The following RBFOX1 variants were observed in gnomAD, a reference collection of about 807,000 sequenced individuals.
The protein encoded by RBFOX1 is RNA binding protein fox-1 homolog 1.
In RBFOX1, 8 loss-of-function variants were observed where a neutral mutation model predicts 57.7. The ratio of observed to expected loss-of-function variants is 0.14; its 90% CI spans 0.08 to 0.25. The LOEUF is 0.25. RBFOX1 is among the 10% of genes least tolerant of loss of function. The pLI is 1.00. For synonymous variants in RBFOX1, 326 were observed against 222.4 expected (o/e 1.47, Z -4.15); for missense variants, 611 against 548.5 (o/e 1.11, Z -1.14).
intron 3 of RBFOX1, among the ~76,000 whole-genome samples, chr16:6,763,558 G>A (rs1262325557): frequency 6.6e-6 from 1 of 152,164 alleles, no homozygotes; most frequent in East Asian, 1.9e-4. Flanking sequence ...TTTGCTTGGG[G>A]TTATTTCTTA....
intron 3 of RBFOX1, among the ~76,000 whole-genome samples, chr16:6,773,591 G>C (rs1183448112): frequency 2.0e-5 from 3 of 147,186 alleles, no homozygotes; most frequent in Non-Finnish European, 3.0e-5. Context: ...GCATTTGTGT[G>C]TGTGTGTGTG....
At chr16:5,349,905 C>G (rs764609949) in intron 1 of RBFOX1, among the ~76,000 whole-genome samples, 1 of 152,146 alleles carries the variant, frequency 6.6e-6, no homozygotes, top group Non-Finnish European at 1.5e-5. Context: ...CACCATCCAC[C>G]GGCTCCCACT....
chr16:5,454,807 CCCTTT>C (rs894835990), intron 1 of RBFOX1, among the ~76,000 whole-genome samples: 7 of 126,106 alleles, frequency 5.6e-5, no homozygotes, highest in Admixed American at 2.5e-4. Context: ...TTCTTTCTTT[CCCTTT>C]CCTTTCCTTT....
At chr16:7,398,750 C>G (rs1459915202) in intron 4 of RBFOX1, among the ~76,000 whole-genome samples, 1 of 152,180 alleles carries the variant, frequency 6.6e-6, no homozygotes, top group Non-Finnish European at 1.5e-5. Flanking sequence ...ACTACAAATC[C>G]CAGCTCTAGC....
At chr16:5,728,657 A>G (rs2052244594) in intron 3 of RBFOX1, among the ~76,000 whole-genome samples, 2 of 152,264 alleles carry the variant, frequency 1.3e-5, no homozygotes, top group African/African-American at 4.8e-5. Flanking sequence ...ATGACTCCGT[A>G]GGTCACTCTG....
intron 3 of RBFOX1, among the ~76,000 whole-genome samples, chr16:6,756,139 T>G (rs2075751192): frequency 6.6e-6 from 1 of 152,152 alleles, no homozygotes; most frequent in Non-Finnish European, 1.5e-5. Flanking sequence ...TCTTCAACAT[T>G]TAATTTCAAG....
At chr16:7,412,868 C>G (rs1277401255) in intron 4 of RBFOX1, among the ~76,000 whole-genome samples, 1 of 152,056 alleles carries the variant, frequency 6.6e-6, no homozygotes, top group Admixed American at 6.5e-5. Flanking sequence ...CGGTGAAACC[C>G]CGTCTCTACT....
chr16:7,438,660 C>T (rs1375004321), intron 4 of RBFOX1, among the ~76,000 whole-genome samples: 1 of 152,186 alleles, frequency 6.6e-6, no homozygotes, highest in East Asian at 1.9e-4. Flanking sequence ...GAATTTTAAA[C>T]CAGCCCATTA....
chr16:6,265,769 T>A (rs756100394), intron 1 of RBFOX1, among the ~76,000 whole-genome samples: 32 of 152,186 alleles, frequency 2.1e-4, no homozygotes, highest in Non-Finnish European at 4.0e-4. Context: ...CTTCAGCCTT[T>A]TTGAACCAAC....
chr16:6,387,974 ATTT>A (rs61603572), intron 2 of RBFOX1, among the ~76,000 whole-genome samples: 2 of 84,152 alleles, frequency 2.4e-5, no homozygotes. Context: ...TTTGTGGAAC[ATTT>A]TTTTTTTTTT....
intron 5 of RBFOX1, among the ~76,000 whole-genome samples, chr16:7,557,095 A>T (rs955210324): frequency 5.9e-5 from 9 of 152,132 alleles, no homozygotes; most frequent in African/African-American, 1.9e-4. Flanking sequence ...CTGTGAGTCC[A>T]CAGAGCGAGT....
intron 3 of RBFOX1, among the ~76,000 whole-genome samples, chr16:6,693,125 C>G (rs937103596): frequency 4.6e-5 from 7 of 151,096 alleles, no homozygotes; most frequent in African/African-American, 1.7e-4. Flanking sequence ...CCCACCATCA[C>G]CATCATCATC....
intron 4 of RBFOX1, among the ~76,000 whole-genome samples, chr16:7,463,770 G>C (rs1334423027): frequency 6.6e-6 from 1 of 152,172 alleles, no homozygotes; most frequent in Admixed American, 6.5e-5. Flanking sequence ...AATGATAAAT[G>C]TTAGCAGACA....
At chr16:6,066,543 T>G (rs2095765862) in intron 1 of RBFOX1, among the ~76,000 whole-genome samples, 1 of 152,116 alleles carries the variant, frequency 6.6e-6, no homozygotes, top group Non-Finnish European at 1.5e-5. Flanking sequence ...AGTCCACGGT[T>G]GAGCATGGAT....
intron 4 of RBFOX1, among the ~76,000 whole-genome samples, chr16:7,127,212 A>G (rs1225751660): frequency 6.6e-6 from 1 of 152,172 alleles, no homozygotes; most frequent in Admixed American, 6.5e-5. Context: ...CTCCGAAAGC[A>G]TAAAATCGTT....
chr16:6,869,182 G>T (rs7187960), intron 3 of RBFOX1, among the ~76,000 whole-genome samples: 118,801 of 152,160 alleles, frequency 0.78, 47,422 homozygotes, highest in African/African-American at 0.94. Flanking sequence ...TGCTTTGCAC[G>T]CTCATCTCTT....
At chr16:7,307,557 A>T (rs1001332474) in intron 4 of RBFOX1, among the ~76,000 whole-genome samples, 3 of 152,218 alleles carry the variant, frequency 2.0e-5, no homozygotes, top group African/African-American at 7.2e-5. Context: ...TTTTATCTAG[A>T]TAAGTGTTTA....
At chr16:5,482,346 C>A (rs561081937) in intron 2 of RBFOX1, among the ~76,000 whole-genome samples, 1 of 152,210 alleles carries the variant, frequency 6.6e-6, no homozygotes, top group Admixed American at 6.5e-5. Flanking sequence ...GAGACTTTGC[C>A]TTCCAGCCCA....
chr16:6,065,838 A>G (rs2095754432), intron 1 of RBFOX1, among the ~76,000 whole-genome samples: 1 of 152,156 alleles, frequency 6.6e-6, no homozygotes, highest in Non-Finnish European at 1.5e-5. Flanking sequence ...AAAATCACTT[A>G]AAGCCTCAGT....
Sources: gnomAD v4.1 joint callset for allele counts (sites outside exome capture counted in the v4.1 genomes callset) on GRCh38, gnomAD v4.1.1 for gene constraint, MANE v1.5 for transcripts, NCBI Gene and HGNC (gene_info 2026-07-23, HGNC 2026-07-21) for gene names.